The following TAOK3 variants were observed in gnomAD, a reference collection of about 807,000 sequenced individuals.
TAOK3 encodes TAO kinase 3.
TAOK3 carries 40 observed loss-of-function variants against 120.4 expected under a neutral mutation model. That is an observed-to-expected ratio of 0.33 (90% CI 0.26 to 0.43). The LOEUF (loss-of-function observed/expected upper bound fraction) is 0.43, where lower values mean the gene tolerates loss of function less well. Ranked by LOEUF, TAOK3 falls within the 20% of genes least tolerant of loss-of-function variation. TAOK3 has a pLI of 1.00. For missense variants in TAOK3, 821 were observed against 1,112.1 expected (o/e 0.74, Z 3.72); for synonymous variants, 355 against 387.5 (o/e 0.92, Z 0.99).
At chr12:118,310,281 G>GT (rs1440402838) in intron 1 of TAOK3, among the ~76,000 whole-genome samples, 1 of 152,210 alleles carries the variant, frequency 6.6e-6, no homozygotes, top group African/African-American at 2.4e-5. Flanking sequence ...AGATTACAGA[G>GT]TGAGACTGTG....
At chr12:118,190,090 A>C in intron 13 of TAOK3, 149 bp from the exon 14 acceptor site, 1 of 952,684 alleles carries the variant, frequency 1.0e-6, no homozygotes, top group Non-Finnish European at 1.5e-6. Flanking sequence ...CACGGTACAA[A>C]ATGAATAAGC....
At chr12:118,187,596 AT>A (rs200128914) in intron 14 of TAOK3, among the ~76,000 whole-genome samples, 3,426 of 151,462 alleles carry the variant, frequency 0.023, 48 homozygotes, top group Middle Eastern at 0.048. Flanking sequence ...TTTCCCTTCC[AT>A]TTTTTTTCCC....
At chr12:118,156,812 G>C (rs2034860084) in intron 19 of TAOK3, among the ~76,000 whole-genome samples, 1 of 151,774 alleles carries the variant, frequency 6.6e-6, no homozygotes, top group Non-Finnish European at 1.5e-5. Context: ...TCGGCTCACT[G>C]CAACCTCTGC....
intron 2 of TAOK3, among the ~76,000 whole-genome samples, chr12:118,264,580 G>C (rs1454612779): frequency 1.3e-5 from 2 of 152,156 alleles, no homozygotes; most frequent in Non-Finnish European, 2.9e-5. Flanking sequence ...AGGTAAAAAG[G>C]AGTAGGTAGG....
chr12:118,234,708 A>G (rs2039949487), intron 8 of TAOK3, among the ~76,000 whole-genome samples: 1 of 152,174 alleles, frequency 6.6e-6, no homozygotes, highest in South Asian at 2.1e-4. Context: ...ACACCTGGCC[A>G]TATTCTTTTA....
rs78444346 is a variant in TAOK3, at chr12:118,174,075, T to C, written c.1696-1415A>G. Among the ~76,000 whole-genome samples, 28 of 152,274 alleles carry C rather than the reference T, an allele frequency of 1.8e-4. No individual in the cohort carries two copies. The East Asian group carries it at 5.4e-3, about 29-fold the overall frequency. Reference sequence around the variant, plus strand: ...TTCATGCCGTGATGTCACTACTTGGTTGGCCATTAACCACTAGACTGCAGA... The same window carrying C: ...TTCATGCCGTGATGTCACTACTTGGCTGGCCATTAACCACTAGACTGCAGA... On this transcript the variant is annotated intron_variant, in intron 16 of 20. Coordinates refer to ENST00000392533, the MANE Select transcript of TAOK3 (RefSeq NM_016281.4).
intron 1 of TAOK3, among the ~76,000 whole-genome samples, chr12:118,295,586 T>C (rs1266296683): frequency 2.6e-5 from 4 of 152,242 alleles, no homozygotes; most frequent in African/African-American, 7.2e-5. Context: ...TATAAACTTC[T>C]TGAAGGCAGA....
At chr12:118,224,277 C>T (rs1032825882) in intron 9 of TAOK3, among the ~76,000 whole-genome samples, 10 of 152,170 alleles carry the variant, frequency 6.6e-5, no homozygotes, top group Admixed American at 1.3e-4. Context: ...AGGTAGATAG[C>T]ACTAGAATTT....
chr12:118,151,192 G>C (rs750233297), intron 20 of TAOK3, 34 bp from the exon 21 acceptor site: 1 of 1,605,356 alleles, frequency 6.2e-7, no homozygotes, highest in African/African-American at 1.3e-5. Context: ...TTAATGGAAA[G>C]CATCTCCTAA....
At chr12:118,368,566 G>T (rs1257376088) in intron 1 of TAOK3, among the ~76,000 whole-genome samples, 1 of 148,694 alleles carries the variant, frequency 6.7e-6, no homozygotes, top group Admixed American at 6.7e-5. Context: ...AGCACTTAGA[G>T]AAGCTGAGGT....
chr12:118,182,287 A>G (rs574703070), intron 14 of TAOK3, among the ~76,000 whole-genome samples: 1 of 152,228 alleles, frequency 6.6e-6, no homozygotes, highest in East Asian at 1.9e-4. Flanking sequence ...AACACAGCTA[A>G]TAAGGACTGG....
chr12:118,219,918 T>A lies in TAOK3; in HGVS notation c.644-5808A>T, dbSNP rs535893005. On this transcript the variant is annotated intron_variant, in intron 9 of 20. Coordinates refer to ENST00000392533, the MANE Select transcript of TAOK3 (RefSeq NM_016281.4). ...CATGAGCGACCATGCCTGGCTTATT[T>A]GCATAATTATTTTCTTCCTTCCTTC... Among the ~76,000 whole-genome samples the A allele has an allele frequency of 1.4e-4, 21 of 150,956 alleles. 1 individual carries two copies. The highest frequency in any genetic ancestry group is 2.1e-4 in the South Asian group (1 of 4,768).
At chr12:118,163,844 T>C (rs2035391675) in intron 17 of TAOK3, among the ~76,000 whole-genome samples, 1 of 152,052 alleles carries the variant, frequency 6.6e-6, no homozygotes, top group African/African-American at 2.4e-5. Flanking sequence ...CCAGAGTAGC[T>C]TGGACTACAG....
Position 118,161,038 on chromosome 12 carries a change from C to T in TAOK3, c.2140-680G>A, listed in dbSNP as rs116808469. ...TATTATTTTGAGCCCAGAAGGCATT[C>T]CATCAGGTTGCCCCACAGTCATGTG... On this transcript the variant is annotated intron_variant, in intron 18 of 20. Coordinates refer to ENST00000392533, the MANE Select transcript of TAOK3 (RefSeq NM_016281.4). This position sits in a 1 kb window ranked among gnomAD's most constrained non-coding sequence, Gnocchi z 4.5. Among the ~76,000 whole-genome samples the T allele has an allele frequency of 5.6e-3, 850 of 152,318 alleles. 9 individuals carry two copies. The highest frequency in any genetic ancestry group is 0.014 in the Middle Eastern group (4 of 294).
rs267603331 is a variant in TAOK3 at position 118,161,901 on chromosome 12, G to A, written c.2026C>T (p.Arg676Cys). ...TCCAGTTCCGTCTGGTGCTGTAAAC[G>A]GATCAGATCCATGCGTAGCTTCTGT... is the stretch of plus-strand genomic sequence containing the variant. Reference protein sequence around the residue: ...TLQKLRMDLIRLQHQTELENQ... With the variant: ...TLQKLRMDLICLQHQTELENQ... Residue 676 changes from arginine to cysteine, a missense_variant, in exon 18 of 21, where the codon CGT becomes TGT. This residue lies in a region of TAOK3 where 354 missense variants were observed against 572.1 expected (regional missense o/e 0.62). Coordinates refer to ENST00000392533, the MANE Select transcript of TAOK3 (RefSeq NM_016281.4). The surrounding 1 kb of genome is among the most constrained non-coding windows in gnomAD (Gnocchi z 4.5). 7 of 1,614,014 alleles carry A rather than the reference G, an allele frequency of 4.3e-6. No homozygotes were observed. In the South Asian group the frequency reaches 4.4e-5, roughly 10 times the overall value.
At chr12:118,361,548 C>T (rs1018455920) in intron 1 of TAOK3, among the ~76,000 whole-genome samples, 7 of 150,052 alleles carry the variant, frequency 4.7e-5, no homozygotes, top group African/African-American at 1.8e-4. Flanking sequence ...ACCTCCGCCT[C>T]CTGGGTTCAA....
At chr12:118,219,141 C>T (rs909192076) in intron 9 of TAOK3, among the ~76,000 whole-genome samples, 1 of 150,178 alleles carries the variant, frequency 6.7e-6, no homozygotes, top group African/African-American at 2.4e-5. Context: ...CTCTCTCATG[C>T]TTTACGTGTG....
At chr12:118,228,214 C>T (rs1050025049) in intron 9 of TAOK3, among the ~76,000 whole-genome samples, 4 of 148,066 alleles carry the variant, frequency 2.7e-5, no homozygotes, top group African/African-American at 7.5e-5. Flanking sequence ...TGCAATGGTA[C>T]GGTCTTGGCT....
intron 17 of TAOK3, among the ~76,000 whole-genome samples, chr12:118,165,260 G>C: frequency 6.6e-6 from 1 of 152,106 alleles, no homozygotes; most frequent in East Asian, 1.9e-4. Context: ...AGCTCTCCCA[G>C]GCCAAGGAAA....
Sources: allele counts gnomAD v4.1 joint callset (sites outside exome capture counted in the v4.1 genomes callset), GRCh38; gene constraint gnomAD v4.1.1; regional missense constraint gnomAD v4.1.1; non-coding constraint Gnocchi (gnomAD v3.1); transcripts MANE v1.5; gene names NCBI Gene and HGNC (gene_info 2026-07-23, HGNC 2026-07-21).